PSMD11: variants seen among roughly 807,000 people sequenced by gnomAD.
PSMD11 encodes the protein proteasome 26S subunit, non-ATPase 11, also known as 26S proteasome non-ATPase regulatory subunit 11.
In PSMD11, 5 loss-of-function variants were observed where a neutral mutation model predicts 62.3. The observed-to-expected ratio is 0.08, with a 90% CI of 0.04 to 0.17. The LOEUF (loss-of-function observed/expected upper bound fraction) is 0.17. PSMD11 is among the 10% of genes least tolerant of loss of function. PSMD11 has a pLI of 1.00. For synonymous variants in PSMD11, 191 were observed against 191.8 expected, an observed-to-expected ratio of 1.00 and a Z score of 0.03; for missense variants, 310 against 512.9, an observed-to-expected ratio of 0.60 and a Z score of 3.82.
At position 32,444,518 on chromosome 17, in the gene PSMD11, G is replaced by A. The variant is rs765034002; in HGVS notation, c.-6G>A. 6 of 1,590,794 alleles carry A rather than the reference G, an allele frequency of 3.8e-6. No homozygotes were observed. The highest frequency in any genetic ancestry group is 5.1e-6 in the Non-Finnish European group (6 of 1,169,316). On this transcript the variant is annotated 5_prime_UTR_variant, in exon 1 of 14. Coordinates refer to ENST00000261712, the MANE Select transcript of PSMD11 (RefSeq NM_002815.4). ...CCGCGGCCGGGGACGGTGTGAGAGC[G>A]GTAAGATGGCGGCGGCGGCGGTGGT...
At chr17:32,454,700 T>G in intron 3 of PSMD11, 81 bp downstream of exon 3, 1 of 1,471,362 alleles carries the variant, frequency 6.8e-7, no homozygotes, top group Non-Finnish European at 9.3e-7. Flanking sequence ...TGCACTTTAG[T>G]ACTAATGTGG....
intron 2 of PSMD11, among the ~76,000 whole-genome samples, chr17:32,451,076 G>C (rs1365352691): frequency 2.0e-5 from 3 of 149,608 alleles, no homozygotes; most frequent in African/African-American, 7.4e-5. Flanking sequence ...AGCCACAATT[G>C]TGCCATTGTA....
intron 9 of PSMD11, 48 bp downstream of exon 9, chr17:32,477,631 C>T (rs369931530): frequency 7.6e-6 from 11 of 1,455,368 alleles, no homozygotes; most frequent in African/African-American, 2.8e-5. Flanking sequence ...AAGAGAGGGA[C>T]GTTTAAGTAC....
intron 2 of PSMD11, chr17:32,447,307 A>G: frequency 2.8e-6 from 1 of 355,404 alleles, no homozygotes; most frequent in Non-Finnish European, 5.1e-6. Flanking sequence ...TTGAATTCTC[A>G]CTGTATTCCC....
intron 2 of PSMD11, among the ~76,000 whole-genome samples, chr17:32,450,411 A>G (rs912090784): frequency 2.1e-5 from 3 of 143,110 alleles, no homozygotes; most frequent in Non-Finnish European, 4.5e-5. Context: ...GTGAGCCACC[A>G]TGCTCGGCTA....
chr17:32,478,902 AT>A (rs558819535), intron 9 of PSMD11, among the ~76,000 whole-genome samples: 1,869 of 148,808 alleles, frequency 0.013, 13 homozygotes, highest in Middle Eastern at 0.021. Flanking sequence ...TCTATTTTGT[AT>A]TTTTTTTTTC....
intron 4 of PSMD11, among the ~76,000 whole-genome samples, 161 bp from the exon 5 acceptor site, chr17:32,464,360 T>C (rs1907929087): frequency 1.3e-5 from 2 of 152,232 alleles, no homozygotes; most frequent in East Asian, 3.8e-4. Context: ...TTGCTGGCTA[T>C]AATAGGAGAC....
intron 3 of PSMD11, among the ~76,000 whole-genome samples, chr17:32,459,384 A>C (rs1346453343): frequency 1.3e-5 from 2 of 151,456 alleles, no homozygotes; most frequent in Non-Finnish European, 2.9e-5. Context: ...ACGCCTGGCT[A>C]ATTTTGTTTG....
At position 32,444,563 on chromosome 17, in the gene PSMD11, T is replaced by C; in HGVS notation, c.40T>C (p.Ser14Pro). The C allele has an allele frequency of 6.2e-7, 1 of 1,611,440 alleles. No homozygotes were observed. Residue 14 changes from serine (S) to proline (P), a missense_variant, in exon 1 of 14, where the codon TCT becomes CCT. Transcript: ENST00000261712. ...AAVVEFQRAQSLLSTDREASI... is the reference protein window; with the variant it reads ...AAVVEFQRAQPLLSTDREASI... ...GGTGGTGGAGTTCCAGAGAGCCCAG[T>C]CTCTACTCAGCACCGACCGGGAGGC...
chr17:32,458,780 G>T (rs1254637132), intron 3 of PSMD11, among the ~76,000 whole-genome samples: 1 of 152,066 alleles, frequency 6.6e-6, no homozygotes, highest in Non-Finnish European at 1.5e-5. Context: ...CAAACTGTCT[G>T]GGGTTGGGAC....
chr17:32,467,044 A>T lies in PSMD11; in HGVS notation c.449-1955A>T, dbSNP rs866601465. 2.0e-5 allele frequency among the ~76,000 whole-genome samples: 3 copies of T among 151,980 alleles called. No homozygotes were observed. In the Middle Eastern group the frequency reaches 0.01, roughly 520 times the overall value. On this transcript the variant is annotated intron_variant, in intron 5 of 13. Coordinates refer to ENST00000261712, the MANE Select transcript of PSMD11 (RefSeq NM_002815.4). ...ACTGCAACCTCCACCTCCTGGGTTC[A>T]AGCAATTCTCCTGCCTCAGCCTCCC...
At chr17:32,477,239 GCTTGT>G in intron 8 of PSMD11, 1 of 323,792 alleles carries the variant, frequency 3.1e-6, no homozygotes, top group Non-Finnish European at 5.6e-6. Context: ...TTTCCTTTTA[GCTTGT>G]CATCTCTAGA....
At chr17:32,471,638 A>G (rs1186598520) in intron 6 of PSMD11, among the ~76,000 whole-genome samples, 4 of 152,206 alleles carry the variant, frequency 2.6e-5, no homozygotes, top group African/African-American at 9.7e-5. Flanking sequence ...ATGTGATGTC[A>G]TGGAGGGTAA....
intron 6 of PSMD11, among the ~76,000 whole-genome samples, chr17:32,473,573 G>A (rs1245715950): frequency 6.6e-6 from 1 of 151,390 alleles, no homozygotes; most frequent in Non-Finnish European, 1.5e-5. Context: ...AGCTGAAACC[G>A]TGCCCAGCAT....
chr17:32,462,023 A>C (rs954090747), intron 3 of PSMD11, among the ~76,000 whole-genome samples: 1 of 152,192 alleles, frequency 6.6e-6, no homozygotes, highest in African/African-American at 2.4e-5. Flanking sequence ...CTGGACTATC[A>C]GGGAAATGGA....
intron 8 of PSMD11, chr17:32,476,914 A>C (rs1908342869): frequency 6.6e-6 from 1 of 152,200 alleles, no homozygotes; most frequent in Non-Finnish European, 1.5e-5. Context: ...ACAGGCGTCC[A>C]CCACTATGCC....
intron 1 of PSMD11, 55 bp downstream of exon 1, chr17:32,444,669 G>T (rs1907270271): frequency 1.3e-6 from 2 of 1,596,850 alleles, no homozygotes; most frequent in Admixed American, 3.5e-5. Flanking sequence ...GGCTTATGTC[G>T]GTCGGCGGCA....
chr17:32,452,462 C>T (rs576446593), intron 2 of PSMD11, among the ~76,000 whole-genome samples: 2 of 152,258 alleles, frequency 1.3e-5, no homozygotes, highest in African/African-American at 4.8e-5. Context: ...TGGTCAGCAT[C>T]TGGAATCATG....
chr17:32,479,786 C>T (rs1384725770), intron 10 of PSMD11, 65 bp from the exon 11 acceptor site: 1 of 1,543,896 alleles, frequency 6.5e-7, no homozygotes, highest in Non-Finnish European at 9.0e-7. Context: ...CCTGTTCCCT[C>T]CCTTCTCTTA....
Sources: gnomAD v4.1 joint callset for allele counts (sites outside exome capture counted in the v4.1 genomes callset) on GRCh38, gnomAD v4.1.1 for gene constraint, MANE v1.5 for transcripts, NCBI Gene and HGNC (gene_info 2026-07-23, HGNC 2026-07-21) for gene names.